Variants in EDEM1 observed in about 807,000 individuals in gnomAD.
EDEM1 encodes the protein ER degradation enhancing alpha-mannosidase like protein 1, also known as ER degradation-enhancing alpha-mannosidase-like protein 1.
EDEM1 carries 67 observed loss-of-function variants against 74.4 expected under a neutral mutation model. That is an observed-to-expected ratio of 0.90 (90% CI 0.74 to 1.10). The LOEUF is 1.10. Among genes scored for constraint, EDEM1 ranks in the 50% least tolerant of loss-of-function variants. The pLI, the probability that EDEM1 is intolerant of heterozygous loss-of-function variation, is 0.00. For missense variants in EDEM1, 926 were observed against 851.6 expected, an observed-to-expected ratio of 1.09 and a Z score of -1.09; for synonymous variants, 382 against 335.9, an observed-to-expected ratio of 1.14 and a Z score of -1.50.
intron 3 of EDEM1, among the ~76,000 whole-genome samples, chr3:5,200,175 G>A (rs549512696): frequency 6.6e-6 from 1 of 152,166 alleles, no homozygotes; most frequent in African/African-American, 2.4e-5. Flanking sequence ...CAAGTGATCC[G>A]CCTGCCTTGG....
chr3:5,192,539 G>A (rs1161853358), intron 1 of EDEM1, among the ~76,000 whole-genome samples: 4 of 152,190 alleles, frequency 2.6e-5, no homozygotes, highest in South Asian at 2.1e-4. Context: ...TAAGTGGAGC[G>A]TTTAGTTGTG....
chr3:5,195,491 AAGG>A (rs963046218), intron 2 of EDEM1, among the ~76,000 whole-genome samples: 6 of 152,370 alleles, frequency 3.9e-5, no homozygotes, highest in Admixed American at 1.3e-4. Flanking sequence ...CCATTAAAAA[AAGG>A]AGAAGGAATG....
At chr3:5,205,959 A>C (rs2106601762) in intron 6 of EDEM1, among the ~76,000 whole-genome samples, 1 of 152,168 alleles carries the variant, frequency 6.6e-6, no homozygotes, top group South Asian at 2.1e-4. Flanking sequence ...CCAGTGTTTA[A>C]CTGTGGCTTT....
Position 5,215,817 on chromosome 3 carries a change from T to C in EDEM1, c.1885-12T>C, listed in dbSNP as rs747767333. The C allele has an allele frequency of 7.4e-6, 12 of 1,611,950 alleles. No individual in the cohort carries two copies. Among genetic ancestry groups the C allele is most frequent in the Non-Finnish European group, 9.3e-6 (11 of 1,178,378 alleles). On this transcript the variant is annotated splice_polypyrimidine_tract_variant and intron_variant, in intron 11 of 11. Transcript: ENST00000256497. The stretch of plus-strand genomic sequence containing the variant: ...ATGAGTTTTTAATTTTCCCTCGTTT[T>C]TGTCTTTCTAGTGCAATCGTGTACC...
chr3:5,218,361 T>G lies in EDEM1; in HGVS notation c.*2443T>G, dbSNP rs547092657. 32 of 152,136 alleles carry G rather than the reference T, an allele frequency of 2.1e-4. No homozygotes were observed. Among genetic ancestry groups the G allele is most frequent in the African/African-American group, 7.2e-4 (30 of 41,508 alleles). The allele number at this position is 152,136 out of a possible 1,614,324, so 9.4% of individuals were successfully genotyped here. A position where few individuals can be genotyped will look rare whatever the true frequency, so the allele number is the denominator to read the frequency against. On this transcript the variant is annotated 3_prime_UTR_variant, in exon 12 of 12. Transcript: ENST00000256497. ...AGTTTCAAAGGTTACTTGTTTTTTT[T>G]TTTTTTTTTTAAAGTCAGAATGTTA...
chr3:5,215,833 A>G lies in EDEM1; in HGVS notation c.1889A>G (p.Asn630Ser), dbSNP rs772872578. The change falls in exon 12 of 12, where the codon AAT (asparagine) becomes AGT (serine). Residue 630 changes from asparagine (N) to serine (S), a missense_variant. Transcript: ENST00000256497. ...LKVINSSSNC[N>S]RVPDERRYSL... ...CCCTCGTTTTTGTCTTTCTAGTGCAATCGTGTACCTGATGAGAGGAGGTAC... is the reference window on the plus strand; with the variant it reads ...CCCTCGTTTTTGTCTTTCTAGTGCAGTCGTGTACCTGATGAGAGGAGGTAC... The G allele has an allele frequency of 5.6e-6, 9 of 1,613,208 alleles. No homozygotes were observed. Among genetic ancestry groups the G allele is most frequent in the South Asian group, 1.1e-5 (1 of 90,846 alleles).
At chr3:5,197,007 C>A (rs987962279) in intron 2 of EDEM1, among the ~76,000 whole-genome samples, 13 of 147,572 alleles carry the variant, frequency 8.8e-5, no homozygotes, top group Non-Finnish European at 1.9e-4. Context: ...TGGCTCACTT[C>A]AACCTTCAGC....
chr3:5,191,638 G>A (rs2054902890), intron 1 of EDEM1, among the ~76,000 whole-genome samples: 1 of 152,014 alleles, frequency 6.6e-6, no homozygotes, highest in East Asian at 1.9e-4. Flanking sequence ...AGAAAATTTC[G>A]GTGCTAAACA....
chr3:5,200,166 A>G (rs1324847254), intron 3 of EDEM1, among the ~76,000 whole-genome samples: 2 of 152,150 alleles, frequency 1.3e-5, no homozygotes, highest in Admixed American at 6.5e-5. Context: ...TCCTGACCTC[A>G]AGTGATCCGC....
At chr3:5,200,084 C>T (rs922768361) in intron 3 of EDEM1, among the ~76,000 whole-genome samples, 6 of 151,968 alleles carry the variant, frequency 3.9e-5, no homozygotes, top group African/African-American at 1.5e-4. Context: ...TACAGGCACT[C>T]ACCACCACAC....
chr3:5,215,785 G>A (rs762852708), intron 11 of EDEM1, 44 bp from the exon 12 acceptor site: 4 of 1,535,670 alleles, frequency 2.6e-6, no homozygotes, highest in Non-Finnish European at 3.6e-6. Context: ...TCCTGAGAGA[G>A]CAACATATGA....
intron 10 of EDEM1, chr3:5,211,490 T>G: frequency 2.7e-6 from 1 of 366,074 alleles, no homozygotes; most frequent in South Asian, 2.6e-5. Context: ...GAACCAGTGT[T>G]AGTTCTGTAT....
chr3:5,207,500 TTTTGTTTTTG>T (rs1311224437), intron 7 of EDEM1, among the ~76,000 whole-genome samples: 2 of 152,146 alleles, frequency 1.3e-5, no homozygotes, highest in South Asian at 2.1e-4. Flanking sequence ...TGTGTGTGAT[TTTTGTTTTTG>T]TTTGTTTTTG....
rs1217862569 is a variant in EDEM1, at chr3:5,203,031, C to T, written c.924C>T (p.Ser308=). The T allele has an allele frequency of 1.2e-6, 2 of 1,613,876 alleles. No homozygotes were observed. Among genetic ancestry groups the T allele is most frequent in the African/African-American group, 2.7e-5 (2 of 74,900 alleles). ...NNETCTAGAG[S]LLVEFGILSR... The stretch of plus-strand genomic sequence containing the variant: ...AGACATGCACAGCGGGAGCCGGTTC[C>T]CTCCTGGTGGAATTTGGGATTCTGA... The change falls in exon 5 of 12, where the codon TCC becomes TCT. Residue 308 remains serine (S), a synonymous_variant. Transcript: ENST00000256497.
chr3:5,190,002 G>GTT (rs11404596), intron 1 of EDEM1, among the ~76,000 whole-genome samples: 1 of 150,830 alleles, frequency 6.6e-6, no homozygotes, highest in Non-Finnish European at 1.5e-5. Flanking sequence ...TTTTTTTTGG[G>GTT]GGGGGGGATA....
rs761854881 is a variant in EDEM1, at chr3:5,210,196, C to G, written c.1531C>G (p.Leu511Val). Residue 511 changes from leucine (L) to valine (V), a missense_variant, in exon 9 of 12, where the codon CTC becomes GTC. Coordinates refer to ENST00000256497, the MANE Select transcript of EDEM1 (RefSeq NM_014674.3). ...LYQATKNPFYLHVGMDILQSL... is the reference protein window; with the variant it reads ...LYQATKNPFYVHVGMDILQSL... ...CTAGGCAACCAAGAATCCCTTCTACCTCCATGTAGGAATGGATATTCTGCA... is the reference window on the plus strand; with the variant it reads ...CTAGGCAACCAAGAATCCCTTCTACGTCCATGTAGGAATGGATATTCTGCA... The G allele has an allele frequency of 6.2e-7, 1 of 1,614,192 alleles. No homozygotes were observed. The highest frequency in any genetic ancestry group is 8.5e-7 in the Non-Finnish European group (1 of 1,180,004).
chr3:5,209,658 A>G (rs540915092), intron 8 of EDEM1, among the ~76,000 whole-genome samples: 10 of 152,318 alleles, frequency 6.6e-5, no homozygotes, highest in African/African-American at 2.2e-4. Flanking sequence ...GTGTGAGAAG[A>G]GTAGGCAACT....
At position 5,217,626 on chromosome 3, in the gene EDEM1, TACA is replaced by T. The variant is rs756084180; in HGVS notation, c.*1713_*1715del. On this transcript the variant is annotated 3_prime_UTR_variant, in exon 12 of 12. Transcript: ENST00000256497. ...CCATCTCTATCTCTTAAACATTTAT[TACA>T]ACAATTGTTTTAAAATAGAAAAAAT... 3.3e-5 allele frequency: 5 copies of T among 152,670 alleles called. No individual in the cohort carries two copies. The highest frequency in any genetic ancestry group is 4.8e-5 in the African/African-American group (2 of 41,470). The allele number at this position is 152,670 out of a possible 1,614,324, so 9.5% of individuals were successfully genotyped here.
At chr3:5,192,118 A>T (rs149808891) in intron 1 of EDEM1, among the ~76,000 whole-genome samples, 1 of 152,170 alleles carries the variant, frequency 6.6e-6, no homozygotes, top group African/African-American at 2.4e-5. Context: ...TTTCCGTGAC[A>T]CCATCTAACT....
Sources: gnomAD v4.1 joint callset for allele counts (sites outside exome capture counted in the v4.1 genomes callset) on GRCh38, gnomAD v4.1.1 for gene constraint, MANE v1.5 for transcripts, NCBI Gene and HGNC (gene_info 2026-07-23, HGNC 2026-07-21) for gene names.